Variants in NAALADL2 observed in about 807,000 individuals in gnomAD.
NAALADL2 encodes the protein inactive N-acetylated-alpha-linked acidic dipeptidase-like protein 2.
A neutral mutation model predicts 87.2 loss-of-function variants in NAALADL2; 76 were observed. The observed-to-expected ratio is 0.87, with a 90% CI of 0.72 to 1.05. The LOEUF is 1.05. Among genes scored for constraint, NAALADL2 ranks in the 50% least tolerant of loss-of-function variants. The pLI is 0.00. For synonymous variants in NAALADL2, 354 were observed against 331.0 expected, an observed-to-expected ratio of 1.07 and a Z score of -0.75; for missense variants, 1,089 against 945.8, an observed-to-expected ratio of 1.15 and a Z score of -1.99.
At chr3:175,485,301 A>G (rs796581100) in intron 9 of NAALADL2, among the ~76,000 whole-genome samples, 5 of 152,254 alleles carry the variant, frequency 3.3e-5, no homozygotes, top group African/African-American at 1.2e-4. Context: ...TAATGGGGTC[A>G]GAGTCTGAAT....
intron 3 of NAALADL2, among the ~76,000 whole-genome samples, chr3:174,796,919 C>T (rs993868583): frequency 2.0e-5 from 3 of 151,842 alleles, no homozygotes; most frequent in Non-Finnish European, 4.4e-5. Context: ...TCTTTTCACT[C>T]TGTTGATTAT....
intron 2 of NAALADL2, among the ~76,000 whole-genome samples, chr3:174,724,321 G>T (rs1164881653): frequency 6.6e-6 from 1 of 152,078 alleles, no homozygotes; most frequent in East Asian, 1.9e-4. Flanking sequence ...GCCATATGCT[G>T]GGTAAACTTA....
intron 1 of NAALADL2, among the ~76,000 whole-genome samples, chr3:174,894,342 G>A (rs1305147611): frequency 3.9e-5 from 6 of 151,996 alleles, no homozygotes; most frequent in Non-Finnish European, 7.4e-5. Flanking sequence ...TGTAATCCCA[G>A]CATTTTGGGA....
chr3:174,845,759 AG>A (rs1724552439), intron 3 of NAALADL2, among the ~76,000 whole-genome samples: 1 of 152,114 alleles, frequency 6.6e-6, no homozygotes, highest in African/African-American at 2.4e-5. Flanking sequence ...TCTGGGGGAT[AG>A]GGTACCTCAT....
At chr3:174,786,147 G>T (rs1044114032) in intron 3 of NAALADL2, among the ~76,000 whole-genome samples, 1 of 152,044 alleles carries the variant, frequency 6.6e-6, no homozygotes, top group Non-Finnish European at 1.5e-5. Flanking sequence ...TTAGCAAAAA[G>T]CTTTACTGAA....
chr3:175,287,955 C>G (rs1755182501), intron 4 of NAALADL2, among the ~76,000 whole-genome samples: 1 of 152,118 alleles, frequency 6.6e-6, no homozygotes, highest in African/African-American at 2.4e-5. Flanking sequence ...ACAGTTAACT[C>G]TCTAATTATT....
chr3:174,814,474 G>T (rs1720569744), intron 3 of NAALADL2, among the ~76,000 whole-genome samples: 1 of 152,004 alleles, frequency 6.6e-6, no homozygotes, highest in African/African-American at 2.4e-5. Flanking sequence ...CTTTATATAT[G>T]AAATAATATA....
At chr3:174,946,829 ACT>A (rs1450558496) in intron 1 of NAALADL2, among the ~76,000 whole-genome samples, 3 of 151,982 alleles carry the variant, frequency 2.0e-5, no homozygotes, top group Non-Finnish European at 2.9e-5. Flanking sequence ...AACTCTGCAT[ACT>A]CTCTTGCAAT....
chr3:174,788,345 A>G (rs1264740467), intron 3 of NAALADL2, among the ~76,000 whole-genome samples: 1 of 152,232 alleles, frequency 6.6e-6, no homozygotes, highest in African/African-American at 2.4e-5. Context: ...AAGGACGCAT[A>G]TTAGTTTGCT....
At chr3:175,346,293 TACACACAAACAC>T (rs1763151537) in intron 5 of NAALADL2, among the ~76,000 whole-genome samples, 1 of 152,018 alleles carries the variant, frequency 6.6e-6, no homozygotes, top group Non-Finnish European at 1.5e-5. Flanking sequence ...CACACATGCA[TACACACAAACAC>T]ACACACATAT....
intron 3 of NAALADL2, among the ~76,000 whole-genome samples, chr3:174,807,644 T>C (rs1286952248): frequency 6.6e-6 from 1 of 152,134 alleles, no homozygotes; most frequent in Non-Finnish European, 1.5e-5. Flanking sequence ...CAGAACAGCG[T>C]TGAATAATAA....
intron 5 of NAALADL2, among the ~76,000 whole-genome samples, chr3:175,427,456 G>A (rs906430399): frequency 7.2e-5 from 11 of 152,014 alleles, no homozygotes; most frequent in East Asian, 1.9e-4. Flanking sequence ...AATGATTCAC[G>A]TTATATACAG....
At chr3:175,011,636 A>C (rs1749838535) in intron 1 of NAALADL2, among the ~76,000 whole-genome samples, 2 of 152,130 alleles carry the variant, frequency 1.3e-5, no homozygotes, top group Admixed American at 1.3e-4. Flanking sequence ...TCCTTCTAAA[A>C]GTTTTCTCTT....
At chr3:174,825,555 C>A (rs1721884866) in intron 3 of NAALADL2, among the ~76,000 whole-genome samples, 1 of 152,204 alleles carries the variant, frequency 6.6e-6, no homozygotes, top group Non-Finnish European at 1.5e-5. Context: ...TCCAGAAATA[C>A]CCACACACAT....
intron 10 of NAALADL2, 80 bp from the exon 11 acceptor site, chr3:175,627,211 T>A (rs1727106195): frequency 2.6e-6 from 3 of 1,158,698 alleles, no homozygotes; most frequent in Middle Eastern, 2.6e-4. Flanking sequence ...TCCTTTTTAA[T>A]CTTTAAGGAA....
At chr3:175,009,847 A>G (rs1179513460) in intron 1 of NAALADL2, among the ~76,000 whole-genome samples, 1 of 152,094 alleles carries the variant, frequency 6.6e-6, no homozygotes, top group African/African-American at 2.4e-5. Flanking sequence ...TGATTTTTAC[A>G]TTTATGCCGA....
intron 2 of NAALADL2, among the ~76,000 whole-genome samples, chr3:174,627,268 A>G (rs1721663718): frequency 6.6e-6 from 1 of 152,176 alleles, no homozygotes; most frequent in Admixed American, 6.5e-5. Flanking sequence ...AAGTCTTTGA[A>G]GATACACGTC....
intron 5 of NAALADL2, among the ~76,000 whole-genome samples, chr3:175,446,087 T>G (rs1262607000): frequency 1.3e-5 from 2 of 152,210 alleles, no homozygotes; most frequent in African/African-American, 4.8e-5. Flanking sequence ...AGTTGTTTCT[T>G]TTATTAATAG....
At chr3:175,371,457 T>C (rs1420346511) in intron 5 of NAALADL2, among the ~76,000 whole-genome samples, 6 of 152,000 alleles carry the variant, frequency 3.9e-5, no homozygotes, top group Admixed American at 3.9e-4. Flanking sequence ...TTAGTAGAGA[T>C]GGGGTTTCAC....
Sources: allele counts gnomAD v4.1 joint callset (sites outside exome capture counted in the v4.1 genomes callset), GRCh38; gene constraint gnomAD v4.1.1; transcripts MANE v1.5; gene names NCBI Gene and HGNC (gene_info 2026-07-23, HGNC 2026-07-21).